Variants in CLMP observed in about 807,000 individuals in gnomAD.
The protein encoded by CLMP is CXADR like cell adhesion molecule.
A neutral mutation model predicts 45.2 loss-of-function variants in CLMP; 27 were observed. The observed-to-expected ratio is 0.60, with a 90% CI of 0.44 to 0.82. The LOEUF (loss-of-function observed/expected upper bound fraction) is 0.82. Ranked by LOEUF, CLMP falls within the 40% of genes least tolerant of loss-of-function variation. The probability of loss-of-function intolerance (pLI) is 0.00; values close to 1 mark genes in which losing one functional copy is unlikely to be tolerated. For synonymous variants in CLMP, 167 were observed against 171.4 expected, an observed-to-expected ratio of 0.97 and a Z score of 0.20; for missense variants, 403 against 448.4, an observed-to-expected ratio of 0.90 and a Z score of 0.91.
intron 1 of CLMP, among the ~76,000 whole-genome samples, chr11:123,111,114 G>A (rs78776093): frequency 1.1e-3 from 173 of 152,004 alleles, no homozygotes; most frequent in Middle Eastern, 3.4e-3. Flanking sequence ...ATCAGTGAGC[G>A]CTTACACAAT....
At chr11:123,151,173 C>T (rs1470625910) in intron 1 of CLMP, among the ~76,000 whole-genome samples, 1 of 152,230 alleles carries the variant, frequency 6.6e-6, no homozygotes, top group Non-Finnish European at 1.5e-5. Flanking sequence ...GGACCACTAC[C>T]AGGGCAGGGC....
chr11:123,185,014 CTG>C (rs1424023832), intron 1 of CLMP, among the ~76,000 whole-genome samples: 1 of 152,150 alleles, frequency 6.6e-6, no homozygotes, highest in Admixed American at 6.5e-5. Context: ...GAGCACAGCT[CTG>C]TGTCTGGAGA....
chr11:123,134,996 A>G (rs1861049618), intron 1 of CLMP, among the ~76,000 whole-genome samples: 1 of 151,966 alleles, frequency 6.6e-6, no homozygotes, highest in African/African-American at 2.4e-5. Flanking sequence ...GTGGTGGCTC[A>G]TGCCTGTAAT....
At chr11:123,149,716 G>C (rs896069586) in intron 1 of CLMP, among the ~76,000 whole-genome samples, 1 of 152,156 alleles carries the variant, frequency 6.6e-6, no homozygotes, top group Non-Finnish European at 1.5e-5. Context: ...GGGAACAAGT[G>C]GGGAAATGGG....
chr11:123,133,632 T>C (rs1290068861), intron 1 of CLMP, among the ~76,000 whole-genome samples: 3 of 152,056 alleles, frequency 2.0e-5, no homozygotes, highest in African/African-American at 7.2e-5. Flanking sequence ...CCCCAAAATA[T>C]GACACCTTGG....
chr11:123,080,105 G>A lies in CLMP; in HGVS notation c.679+2980C>T, dbSNP rs535308354. 4.6e-5 allele frequency among the ~76,000 whole-genome samples: 7 copies of A among 152,152 alleles called. No individual in the cohort carries two copies. The South Asian group carries it at 1.0e-3, about 23-fold the overall frequency. On this transcript the variant is annotated intron_variant, in intron 5 of 6. Coordinates refer to ENST00000448775, the MANE Select transcript of CLMP (RefSeq NM_024769.5). ...CACTTAAAATAAAACATAAAACATGGGCCTCTATATAAGGCTCTTAAAGCA... is the reference window on the plus strand; with the variant it reads ...CACTTAAAATAAAACATAAAACATGAGCCTCTATATAAGGCTCTTAAAGCA...
intron 5 of CLMP, among the ~76,000 whole-genome samples, chr11:123,076,062 A>G (rs1480155454): frequency 2.0e-5 from 3 of 152,026 alleles, no homozygotes; most frequent in East Asian, 3.9e-4. Flanking sequence ...AATCCCAGCT[A>G]CTCGGGAGGT....
At chr11:123,168,024 C>T (rs1045737004) in intron 1 of CLMP, among the ~76,000 whole-genome samples, 1 of 152,156 alleles carries the variant, frequency 6.6e-6, no homozygotes, top group African/African-American at 2.4e-5. Flanking sequence ...AAGCTGAAAG[C>T]TTGTTCTTAA....
chr11:123,074,398 T>C (rs1865710320), intron 6 of CLMP, among the ~76,000 whole-genome samples: 1 of 152,040 alleles, frequency 6.6e-6, no homozygotes, highest in African/African-American at 2.4e-5. Flanking sequence ...ACAAGGCTGG[T>C]TTCAAACTCC....
chr11:123,171,420 A>ATT (rs201213690), intron 1 of CLMP, among the ~76,000 whole-genome samples: 1 of 125,158 alleles, frequency 8.0e-6, no homozygotes, highest in African/African-American at 2.7e-5. Flanking sequence ...ATTCCCTAAG[A>ATT]TTTTTTTTTT....
intron 1 of CLMP, among the ~76,000 whole-genome samples, chr11:123,130,388 T>G (rs1372995942): frequency 6.6e-6 from 1 of 151,994 alleles, no homozygotes. Flanking sequence ...GGCTTTGCCC[T>G]GCTTTCTGGG....
At chr11:123,075,854 A>G (rs1201251783) in intron 5 of CLMP, among the ~76,000 whole-genome samples, 1 of 151,976 alleles carries the variant, frequency 6.6e-6, no homozygotes, top group African/African-American at 2.4e-5. Flanking sequence ...CTCTTCTCCC[A>G]CCAGTCATAT....
At chr11:123,188,182 C>A (rs1861857604) in intron 1 of CLMP, among the ~76,000 whole-genome samples, 3 of 152,090 alleles carry the variant, frequency 2.0e-5, no homozygotes. Context: ...AGCTAGGGGC[C>A]CGAACTCTAG....
At position 123,168,131 on chromosome 11, in the gene CLMP, T is replaced by G. The variant is rs375284433; in HGVS notation, c.28+26782A>C. ...CTGAGCTGAAAAGCATGATTGGGGT[T>G]AAACATCTGCCACCATCATTTCCTT... On this transcript the variant is annotated intron_variant, in intron 1 of 6. Transcript: ENST00000448775. Among the ~76,000 whole-genome samples the G allele has an allele frequency of 1.2e-4, 19 of 152,328 alleles. No individual in the cohort carries two copies. In the East Asian group the frequency reaches 3.1e-3, roughly 25 times the overall value.
At chr11:123,096,174 C>T (rs1357778521) in intron 2 of CLMP, among the ~76,000 whole-genome samples, 3 of 151,944 alleles carry the variant, frequency 2.0e-5, no homozygotes, top group Non-Finnish European at 4.4e-5. Context: ...ACCAGCATGG[C>T]GACACTCAAT....
intron 1 of CLMP, among the ~76,000 whole-genome samples, chr11:123,131,000 G>C (rs559988748): frequency 1.3e-5 from 2 of 152,038 alleles, no homozygotes; most frequent in East Asian, 3.9e-4. Flanking sequence ...GCACCACCAT[G>C]CCTGGCTAAT....
Position 123,073,302 on chromosome 11 carries a change from T to C in CLMP, c.*172A>G, listed in dbSNP as rs183366057. 9 of 692,186 alleles carry C rather than the reference T, an allele frequency of 1.3e-5. No homozygotes were observed. In the East Asian group the frequency reaches 2.4e-4, roughly 18 times the overall value. The allele number at this position is 692,186 out of a possible 1,614,324, so 42.9% of individuals were successfully genotyped here. ...GATGAATCAGCTTACATCCTTTTGC[T>C]TGTTTGGTATTGTATAAGGAAAATG... On this transcript the variant is annotated 3_prime_UTR_variant, in exon 7 of 7. Coordinates refer to ENST00000448775, the MANE Select transcript of CLMP (RefSeq NM_024769.5).
At chr11:123,134,523 T>C (rs762693316) in intron 1 of CLMP, among the ~76,000 whole-genome samples, 7 of 150,024 alleles carry the variant, frequency 4.7e-5, no homozygotes, top group Non-Finnish European at 1.0e-4. Context: ...ATTTGCACTC[T>C]AGACTGGGCA....
chr11:123,133,316 T>C (rs1234388163), intron 1 of CLMP, among the ~76,000 whole-genome samples: 1 of 152,156 alleles, frequency 6.6e-6, no homozygotes, highest in Non-Finnish European at 1.5e-5. Flanking sequence ...TGGCTCTGTC[T>C]AGGTCTGCTT....
Sources: gnomAD v4.1 joint callset for allele counts (sites outside exome capture counted in the v4.1 genomes callset) on GRCh38, gnomAD v4.1.1 for gene constraint, MANE v1.5 for transcripts, NCBI Gene and HGNC (gene_info 2026-07-23, HGNC 2026-07-21) for gene names.